Variants in HMCN2 observed in about 807,000 individuals in gnomAD.
HMCN2 encodes the protein hemicentin-2.
HMCN2 carries 325 observed loss-of-function variants against 377.5 expected under a neutral mutation model. The ratio of observed to expected loss-of-function variants is 0.86; its 90% CI spans 0.79 to 0.94. The LOEUF (loss-of-function observed/expected upper bound fraction) is 0.94, where lower values mean the gene tolerates loss of function less well. Ranked by LOEUF, HMCN2 falls within the 40% of genes least tolerant of loss-of-function variation. The pLI, the probability that HMCN2 is intolerant of heterozygous loss-of-function variation, is 0.00. For synonymous variants in HMCN2, 2,007 were observed against 2,046.8 expected, an observed-to-expected ratio of 0.98 and a Z score of 0.53; for missense variants, 4,543 against 4,725.3, an observed-to-expected ratio of 0.96 and a Z score of 1.13.
chr9:130,377,204 C>T (rs927426515), intron 52 of HMCN2, among the ~76,000 whole-genome samples: 5 of 152,024 alleles, frequency 3.3e-5, no homozygotes, highest in Non-Finnish European at 7.4e-5. Flanking sequence ...GCCTCTGCCT[C>T]CTGGGTTCAA....
rs942303981 is a variant in HMCN2, at chr9:130,384,408, G to A, written c.8866G>A (p.Val2956Ile). 8 of 1,303,276 alleles carry A rather than the reference G, an allele frequency of 6.1e-6. No homozygotes were observed. Among genetic ancestry groups the A allele is most frequent in the African/African-American group, 4.6e-5 (3 of 65,822 alleles). 80.7% of individuals were successfully genotyped at this position (1,303,276 alleles called of 1,614,324 possible). The stretch of plus-strand genomic sequence containing the variant: ...AATCGCAGGCCTGGACTTGGAGCAG[G>A]TCACTGCCATCCTCAACAGCAGCGT... The part of the protein sequence containing the change: ...PRIAGLDLEQ[V>I]TAILNSSVSL... Residue 2956 changes from valine (V) to isoleucine (I), a missense_variant, in exon 58 of 98, where the codon GTC becomes ATC. Around this residue, in one of 5 missense-constraint regions of HMCN2, gnomAD observed 736 missense variants for 773.2 expected, o/e 0.95. Coordinates refer to ENST00000683500, the MANE Select transcript of HMCN2 (RefSeq NM_001291815.2).
At position 130,343,085 on chromosome 9, in the gene HMCN2, C is replaced by T. The variant is rs1006439849; in HGVS notation, c.3829+649C>T. Among the ~76,000 whole-genome samples the T allele has an allele frequency of 5.3e-5, 8 of 152,316 alleles. No homozygotes were observed. The South Asian group carries it at 8.3e-4, about 16-fold the overall frequency. On this transcript the variant is annotated intron_variant, in intron 25 of 97. Transcript: ENST00000683500. Reference sequence around the variant, plus strand: ...TGTGGGAACTCAGTGGGACCCCACGCGTGCACAGGGCTGGCATCTTAGGAG... The same window carrying T: ...TGTGGGAACTCAGTGGGACCCCACGTGTGCACAGGGCTGGCATCTTAGGAG...
At chr9:130,432,401 C>A (rs924341237) in intron 96 of HMCN2, 28 bp from the exon 97 acceptor site, 1 of 1,550,632 alleles carries the variant, frequency 6.4e-7, no homozygotes, top group African/African-American at 1.4e-5. Flanking sequence ...TCATCTCCCT[C>A]CCCCGCTTCA....
At chr9:130,295,631 G>A (rs1836088235) in intron 5 of HMCN2, 35 bp from the exon 6 acceptor site, 1 of 466,806 alleles carries the variant, frequency 2.1e-6, no homozygotes, top group Non-Finnish European at 4.4e-6. Context: ...CCCAGCAAAG[G>A]GTTAGGGACT....
chr9:130,379,508 C>T (rs973149704), intron 54 of HMCN2, 41 bp downstream of exon 54: 44 of 896,788 alleles, frequency 4.9e-5, no homozygotes, highest in Middle Eastern at 5.7e-4. Flanking sequence ...GCTTTGAGCT[C>T]TCCTGTGTGC....
chr9:130,336,035 A>G (rs1421048705), intron 22 of HMCN2, among the ~76,000 whole-genome samples: 1 of 152,180 alleles, frequency 6.6e-6, no homozygotes, highest in African/African-American at 2.4e-5. Flanking sequence ...CTTTGAGAGC[A>G]GAGGGTGTGA....
chr9:130,291,991 C>T (rs1292456610), intron 4 of HMCN2, among the ~76,000 whole-genome samples: 6 of 148,822 alleles, frequency 4.0e-5, no homozygotes, highest in Non-Finnish European at 8.9e-5. Context: ...CTGGATTCTT[C>T]TGATTATTTC....
Position 130,294,917 on chromosome 9 carries a change from CGAG to C in HMCN2, c.683_685del (p.Glu228del), listed in dbSNP as rs1245790734. The C allele has an allele frequency of 2.1e-6, 1 of 470,362 alleles. No homozygotes were observed. Among genetic ancestry groups the C allele is most frequent in the Non-Finnish European group, 4.4e-6 (1 of 226,746 alleles). The allele number at this position is 470,362 out of a possible 1,614,324, so 29.1% of individuals were successfully genotyped here. On this transcript the variant is annotated inframe_deletion, in exon 5 of 98. Coordinates refer to ENST00000683500, the MANE Select transcript of HMCN2 (RefSeq NM_001291815.2). ...AGGTGCACCTGCTGTCCACAGACCA[CGAG>C]GAGGAGGGGGAGCACACATGGAGAC...
rs1841383694 is a variant in HMCN2 at position 130,376,496 on chromosome 9, A to T, written c.7919-20A>T. ...GCACCCATCCCCCAGCTCTGCTCTCAGACCCCTCGTGCTTTTCAGTCCCCC... is the reference window on the plus strand; with the variant it reads ...GCACCCATCCCCCAGCTCTGCTCTCTGACCCCTCGTGCTTTTCAGTCCCCC... On this transcript the variant is annotated intron_variant, in intron 51 of 97. Coordinates refer to ENST00000683500, the MANE Select transcript of HMCN2 (RefSeq NM_001291815.2). 1.0e-6 allele frequency: 1 copy of T among 984,740 alleles called. No homozygotes were observed. The highest frequency in any genetic ancestry group is 1.2e-6 in the Non-Finnish European group (1 of 829,222). The allele number at this position is 984,740 out of a possible 1,614,324, so 61.0% of individuals were successfully genotyped here. A position where few individuals can be genotyped will look rare whatever the true frequency, so the allele number is the denominator to read the frequency against.
intron 15 of HMCN2, among the ~76,000 whole-genome samples, chr9:130,317,528 T>C (rs1188545540): frequency 6.7e-6 from 1 of 149,518 alleles, no homozygotes. Context: ...AGAGTCTTGC[T>C]CTGTCACTCA....
At chr9:130,406,360 A>G (rs1436484126) in intron 82 of HMCN2, 192 bp downstream of exon 82, 4 of 390,186 alleles carry the variant, frequency 1.0e-5, no homozygotes, top group African/African-American at 2.1e-5. Context: ...GTGACAAGCC[A>G]TATATCAGAG....
rs1437967003 is a variant in HMCN2 at position 130,431,379 on chromosome 9, G to C, written c.14660G>C (p.Cys4887Ser). The C allele has an allele frequency of 6.5e-7, 1 of 1,549,822 alleles. No homozygotes were observed. Among genetic ancestry groups the C allele is most frequent in the East Asian group, 2.4e-5 (1 of 40,904 alleles). ...QNGVCTDLDECRVRNLCQHAC... is the reference protein window; with the variant it reads ...QNGVCTDLDESRVRNLCQHAC... ...ATGCCCGGGCCAGACCTTGACGAGT[G>C]CCGCGTGAGGAACCTGTGTCAGCAC... The change falls in exon 96 of 98, where the codon TGC becomes TCC. Residue 4887 changes from cysteine to serine, a missense_variant. Coordinates refer to ENST00000683500, the MANE Select transcript of HMCN2 (RefSeq NM_001291815.2).
Position 130,403,179 on chromosome 9 carries a change from C to T in HMCN2, c.11879-15C>T. 2 of 1,287,148 alleles carry T rather than the reference C, an allele frequency of 1.6e-6. No individual in the cohort carries two copies. Among genetic ancestry groups the T allele is most frequent in the Non-Finnish European group, 2.0e-6 (2 of 987,194 alleles). 79.7% of individuals were successfully genotyped at this position (1,287,148 alleles called of 1,614,324 possible). On this transcript the variant is annotated splice_polypyrimidine_tract_variant and intron_variant, in intron 78 of 97. Transcript: ENST00000683500. ...AGGACATTCTCAGGGCCCTCTGCAC[C>T]CCCGTCCTTTGTAGCCTCCCCGGTG...
Position 130,349,888 on chromosome 9 carries a change from C to CTT in HMCN2, c.4430+250_4430+251dup, listed in dbSNP as rs760662723. Among the ~76,000 whole-genome samples the CTT allele has an allele frequency of 1.1e-3, 103 of 91,310 alleles. 4 individuals are homozygous for CTT. The highest frequency in any genetic ancestry group is 1.6e-3 in the Non-Finnish European group (75 of 46,572). The allele number at this position is 91,310 out of a possible 152,430, so 59.9% of individuals were successfully genotyped here. On this transcript the variant is annotated intron_variant, in intron 29 of 97. Transcript: ENST00000683500. ...AAGTCTTCTCATCTCTTAGCCTTTC[C>CTT]TTTTTTTTTTTTTTTTTTTTTTTTT...
At chr9:130,389,758 A>C (rs1322878925) in intron 62 of HMCN2, among the ~76,000 whole-genome samples, 32 of 152,030 alleles carry the variant, frequency 2.1e-4, no homozygotes, top group Admixed American at 2.1e-3. Context: ...TATTTTTAGT[A>C]GAGATGGGGT....
chr9:130,288,960 G>T (rs948249634), intron 4 of HMCN2, among the ~76,000 whole-genome samples: 1 of 152,186 alleles, frequency 6.6e-6, no homozygotes, highest in Non-Finnish European at 1.5e-5. Flanking sequence ...GTGCATTTTT[G>T]ATTAAGACTT....
chr9:130,271,046 T>G lies in HMCN2; in HGVS notation c.259+4909T>G, dbSNP rs1554920946. ...GTCAGCTCTTTTCCCTCAGTCATTA[T>G]TTGTCTAATGTTTTTTTTCCAGTTA... On this transcript the variant is annotated intron_variant, in intron 1 of 97. Transcript: ENST00000683500. Among the ~76,000 whole-genome samples, 2 of 149,072 alleles carry G rather than the reference T, an allele frequency of 1.3e-5. 1 individual carries two copies. The highest frequency in any genetic ancestry group is 3.9e-4 in the East Asian group (2 of 5,180).
intron 79 of HMCN2, among the ~76,000 whole-genome samples, 165 bp downstream of exon 79, chr9:130,403,493 C>A (rs72761290): frequency 0.058 from 8,758 of 152,290 alleles, 323 homozygotes; most frequent in Non-Finnish European, 0.09. Context: ...TGGCCTCCCC[C>A]TCCCCAACCC....
At chr9:130,358,336 T>G (rs958710634) in intron 35 of HMCN2, 54 bp from the exon 36 acceptor site, 124 of 1,302,388 alleles carry the variant, frequency 9.5e-5, no homozygotes, top group Admixed American at 4.8e-4. Flanking sequence ...ACTCGCCATG[T>G]CCCGTCATCA....
Sources: gnomAD v4.1 joint callset for allele counts (sites outside exome capture counted in the v4.1 genomes callset) on GRCh38, gnomAD v4.1.1 for gene constraint, gnomAD v4.1.1 regional missense constraint, MANE v1.5 for transcripts, NCBI Gene and HGNC (gene_info 2026-07-23, HGNC 2026-07-21) for gene names.